The following TAFA1 variants were observed in gnomAD, a reference collection of about 807,000 sequenced individuals.
The protein encoded by TAFA1 is chemokine-like protein TAFA-1.
A neutral mutation model predicts 18.5 loss-of-function variants in TAFA1; 4 were observed. The observed-to-expected ratio is 0.22, with a 90% confidence interval of 0.11 to 0.49. The LOEUF is 0.49. TAFA1 is among the 20% of genes least tolerant of loss of function. The pLI, the probability that TAFA1 is intolerant of heterozygous loss-of-function variation, is 0.98. For missense variants in TAFA1, 147 were observed against 169.0 expected, an observed-to-expected ratio of 0.87 and a Z score of 0.72; for synonymous variants, 56 against 55.2, an observed-to-expected ratio of 1.01 and a Z score of -0.06.
chr3:68,468,740 ATAT>A (rs1481995754), intron 3 of TAFA1, among the ~76,000 whole-genome samples: 2 of 152,194 alleles, frequency 1.3e-5, no homozygotes, highest in Non-Finnish European at 2.9e-5. Context: ...AGAGTTGGAA[ATAT>A]TGTTGAGATT....
intron 2 of TAFA1, among the ~76,000 whole-genome samples, chr3:68,137,607 G>A (rs1164544500): frequency 6.6e-6 from 1 of 152,156 alleles, no homozygotes; most frequent in Non-Finnish European, 1.5e-5. Flanking sequence ...TTACCTCTAG[G>A]TTTGAGTGAA....
intron 2 of TAFA1, among the ~76,000 whole-genome samples, chr3:68,147,018 T>C (rs2106913445): frequency 7.8e-6 from 1 of 127,700 alleles, no homozygotes; most frequent in Non-Finnish European, 1.8e-5. Context: ...TGTATATATA[T>C]ATGTGTGTGT....
chr3:68,520,724 C>T (rs748984188), intron 3 of TAFA1, among the ~76,000 whole-genome samples: 1 of 152,176 alleles, frequency 6.6e-6, no homozygotes, highest in Non-Finnish European at 1.5e-5. Context: ...ACAGTGTGAT[C>T]ATGCATGTAA....
At chr3:68,213,935 G>A (rs2066624935) in intron 2 of TAFA1, among the ~76,000 whole-genome samples, 1 of 151,894 alleles carries the variant, frequency 6.6e-6, no homozygotes, top group African/African-American at 2.4e-5. Context: ...ACCTCAGATG[G>A]TTATTATACA....
chr3:68,134,669 C>T (rs902628562), intron 2 of TAFA1, among the ~76,000 whole-genome samples: 1 of 152,070 alleles, frequency 6.6e-6, no homozygotes, highest in Non-Finnish European at 1.5e-5. Context: ...TCTAAAATGG[C>T]CACTGTGTCA....
chr3:68,233,579 T>C (rs1208216797), intron 2 of TAFA1, among the ~76,000 whole-genome samples: 2 of 152,234 alleles, frequency 1.3e-5, no homozygotes, highest in Non-Finnish European at 2.9e-5. Flanking sequence ...TCCTTTTTGC[T>C]CAATGTTGCT....
intron 3 of TAFA1, among the ~76,000 whole-genome samples, chr3:68,489,678 G>A (rs1452866226): frequency 1.3e-5 from 2 of 152,160 alleles, no homozygotes; most frequent in Non-Finnish European, 2.9e-5. Context: ...TAGTACTGCT[G>A]TTTCCTTAGC....
At chr3:68,236,852 T>C (rs546538281) in intron 2 of TAFA1, among the ~76,000 whole-genome samples, 1 of 152,314 alleles carries the variant, frequency 6.6e-6, no homozygotes, top group African/African-American at 2.4e-5. Flanking sequence ...CATGAGATCA[T>C]AATCATGGAA....
chr3:68,122,480 G>C (rs887567296), intron 2 of TAFA1, among the ~76,000 whole-genome samples: 46 of 152,226 alleles, frequency 3.0e-4, no homozygotes, highest in African/African-American at 1.1e-3. Flanking sequence ...ACAATAGAAT[G>C]AAAAGATTAT....
chr3:68,270,488 C>G (rs552267612), intron 2 of TAFA1, among the ~76,000 whole-genome samples: 1 of 152,242 alleles, frequency 6.6e-6, no homozygotes, highest in East Asian at 1.9e-4. Flanking sequence ...AATGTGAAGA[C>G]TCATTGATGT....
At chr3:68,110,975 T>C (rs550254835) in intron 2 of TAFA1, among the ~76,000 whole-genome samples, 2 of 152,104 alleles carry the variant, frequency 1.3e-5, no homozygotes, top group Non-Finnish European at 2.9e-5. Flanking sequence ...TTCATCACAG[T>C]AAGAGTTGTT....
intron 2 of TAFA1, among the ~76,000 whole-genome samples, chr3:68,130,631 C>G (rs1018915970): frequency 2.0e-5 from 3 of 152,216 alleles, no homozygotes; most frequent in African/African-American, 7.2e-5. Context: ...AAAGCCCTTT[C>G]TGTCTGGTTC....
intron 3 of TAFA1, among the ~76,000 whole-genome samples, chr3:68,503,954 G>A (rs1022941089): frequency 6.6e-6 from 1 of 151,916 alleles, no homozygotes; most frequent in Non-Finnish European, 1.5e-5. Context: ...CATATAATTT[G>A]GATAAACTTG....
chr3:68,104,123 T>A (rs907384839), intron 2 of TAFA1, among the ~76,000 whole-genome samples: 2 of 152,134 alleles, frequency 1.3e-5, no homozygotes, highest in African/African-American at 4.8e-5. Flanking sequence ...TTATAATAAC[T>A]CTCACATTCT....
intron 2 of TAFA1, among the ~76,000 whole-genome samples, chr3:68,356,690 G>A (rs2069372585): frequency 6.6e-6 from 1 of 151,856 alleles, no homozygotes; most frequent in African/African-American, 2.4e-5. Flanking sequence ...ATAAAGGGCT[G>A]TATACAGAAT....
intron 2 of TAFA1, among the ~76,000 whole-genome samples, chr3:68,266,841 G>A (rs1360492816): frequency 6.6e-6 from 1 of 152,118 alleles, no homozygotes; most frequent in Non-Finnish European, 1.5e-5. Context: ...CGATAAGTAT[G>A]TGGTTTTAAT....
At chr3:68,027,583 C>A (rs1014832281) in intron 2 of TAFA1, among the ~76,000 whole-genome samples, 15 of 152,140 alleles carry the variant, frequency 9.9e-5, no homozygotes, top group Non-Finnish European at 2.1e-4. Flanking sequence ...ATTGAATCTG[C>A]CATCAGTGAA....
chr3:68,116,394 C>G (rs9855500), intron 2 of TAFA1, among the ~76,000 whole-genome samples: 51,660 of 152,104 alleles, frequency 0.34, 9,482 homozygotes, highest in East Asian at 0.5. Context: ...GTATCTCAAT[C>G]AGCCACGCTA....
intron 2 of TAFA1, among the ~76,000 whole-genome samples, chr3:68,112,222 A>G (rs896452657): frequency 6.6e-6 from 1 of 152,220 alleles, no homozygotes; most frequent in African/African-American, 2.4e-5. Context: ...GGACAGGACA[A>G]TTATGAGTCC....
Sources: gnomAD v4.1 joint callset for allele counts (sites outside exome capture counted in the v4.1 genomes callset) on GRCh38, gnomAD v4.1.1 for gene constraint, MANE v1.5 for transcripts, NCBI Gene and HGNC (gene_info 2026-07-23, HGNC 2026-07-21) for gene names.